Variants in KIAA0825 observed in about 807,000 individuals in gnomAD.
KIAA0825 encodes uncharacterized protein KIAA0825.
A neutral mutation model predicts 147.6 loss-of-function variants in KIAA0825; 119 were observed. That is an observed-to-expected ratio of 0.81 (90% CI 0.69 to 0.94). The LOEUF is 0.94. Ranked by LOEUF, KIAA0825 falls within the 40% of genes least tolerant of loss-of-function variation. KIAA0825 has a pLI of 0.00. For synonymous variants in KIAA0825, 470 were observed against 518.1 expected (o/e 0.91, Z 1.26); for missense variants, 1,381 against 1,472.7 (o/e 0.94, Z 1.02).
chr5:94,417,559 G>C (rs1314357443), intron 14 of KIAA0825, among the ~76,000 whole-genome samples, 194 bp from the exon 15 acceptor site: 1 of 151,952 alleles, frequency 6.6e-6, no homozygotes, highest in Admixed American at 6.6e-5. Flanking sequence ...GATATTCATG[G>C]ATATTTATGG....
At chr5:94,301,826 G>A (rs756190181) in intron 20 of KIAA0825, among the ~76,000 whole-genome samples, 2 of 152,032 alleles carry the variant, frequency 1.3e-5, no homozygotes, top group Non-Finnish European at 2.9e-5. Flanking sequence ...ACATCTAATA[G>A]GTTTTCACAA....
intron 13 of KIAA0825, among the ~76,000 whole-genome samples, chr5:94,446,892 T>G (rs1181659198): frequency 5.3e-5 from 8 of 152,014 alleles, no homozygotes; most frequent in Admixed American, 4.6e-4. Context: ...AAGAGAGAGA[T>G]GATGGTAGTT....
rs772203748 is a variant in KIAA0825 at position 94,532,696 on chromosome 5, ATT to A, written c.131+4298_131+4299del. 9.5e-3 allele frequency among the ~76,000 whole-genome samples: 1,288 copies of A among 135,106 alleles called. 21 individuals are homozygous for A. The highest frequency in any genetic ancestry group is 0.031 in the African/African-American group (1,150 of 36,820). 88.6% of individuals were successfully genotyped at this position (135,106 alleles called of 152,430 possible). On this transcript the variant is annotated intron_variant, in intron 3 of 20. Coordinates refer to ENST00000682413, the MANE Select transcript of KIAA0825 (RefSeq NM_001145678.3). Reference sequence around the variant, plus strand: ...TGAGCAACCAACCAAGCCTGGGCTAATTTTTTTTTTTTTTTTTCAGTAGAGAT... The same window carrying A: ...TGAGCAACCAACCAAGCCTGGGCTAATTTTTTTTTTTTTTTCAGTAGAGAT...
At chr5:94,439,550 T>G (rs945373730) in intron 14 of KIAA0825, among the ~76,000 whole-genome samples, 2 of 141,890 alleles carry the variant, frequency 1.4e-5, no homozygotes, top group East Asian at 1.9e-4. Context: ...TGTTTGTAAG[T>G]TGCACAAGCA....
chr5:94,305,957 T>G (rs991733278), intron 20 of KIAA0825, among the ~76,000 whole-genome samples: 1 of 151,908 alleles, frequency 6.6e-6, no homozygotes, highest in Non-Finnish European at 1.5e-5. Flanking sequence ...ACTTAAAACT[T>G]GTTTAGCTAC....
chr5:94,206,711 A>AAG, intron 20 of KIAA0825, among the ~76,000 whole-genome samples: 1 of 152,142 alleles, frequency 6.6e-6, no homozygotes, highest in Admixed American at 6.5e-5. Context: ...CCTGAAACTC[A>AAG]CACTATGGTT....
chr5:94,353,979 A>G (rs1415364276), intron 20 of KIAA0825, among the ~76,000 whole-genome samples: 1 of 152,206 alleles, frequency 6.6e-6, no homozygotes, highest in African/African-American at 2.4e-5. Context: ...CAGTTAAGTA[A>G]GAATTGCAGA....
intron 20 of KIAA0825, among the ~76,000 whole-genome samples, chr5:94,354,048 T>C (rs1463088966): frequency 2.0e-5 from 3 of 152,176 alleles, no homozygotes; most frequent in African/African-American, 7.2e-5. Flanking sequence ...ATTCTTCCCA[T>C]TCCCTTTCTA....
chr5:94,475,908 C>G (rs1012930805), intron 7 of KIAA0825, among the ~76,000 whole-genome samples: 2 of 152,152 alleles, frequency 1.3e-5, no homozygotes, highest in Admixed American at 6.5e-5. Context: ...TTGCTTACTT[C>G]TACTCTTCTC....
chr5:94,522,203 C>G (rs999459331), intron 4 of KIAA0825, among the ~76,000 whole-genome samples: 10 of 151,668 alleles, frequency 6.6e-5, no homozygotes, highest in Non-Finnish European at 1.5e-5. Flanking sequence ...GGCACAGAAC[C>G]AAGAAATGAT....
intron 20 of KIAA0825, among the ~76,000 whole-genome samples, chr5:94,274,593 T>A (rs2150146934): frequency 6.6e-6 from 1 of 152,228 alleles, no homozygotes; most frequent in East Asian, 1.9e-4. Flanking sequence ...TCAGGTATGG[T>A]TCTTTTGCAT....
intron 5 of KIAA0825, among the ~76,000 whole-genome samples, chr5:94,505,084 G>A (rs1049926797): frequency 3.3e-5 from 5 of 151,762 alleles, no homozygotes; most frequent in African/African-American, 1.2e-4. Context: ...CTCAGGCCAG[G>A]CACGGAGGCT....
intron 9 of KIAA0825, among the ~76,000 whole-genome samples, chr5:94,470,748 C>G (rs531187081): frequency 2.0e-5 from 3 of 152,206 alleles, no homozygotes; most frequent in Admixed American, 1.3e-4. Flanking sequence ...GAATATCACA[C>G]TGCTTTCTTT....
intron 20 of KIAA0825, among the ~76,000 whole-genome samples, chr5:94,296,363 A>T (rs909334703): frequency 6.6e-6 from 1 of 152,018 alleles, no homozygotes; most frequent in African/African-American, 2.4e-5. Context: ...GGGATCCACT[A>T]TAGACCACTT....
intron 5 of KIAA0825, among the ~76,000 whole-genome samples, chr5:94,513,682 TTAGA>T (rs1457242457): frequency 6.6e-6 from 1 of 152,014 alleles, no homozygotes; most frequent in Admixed American, 6.6e-5. Flanking sequence ...AAAAAAAGTT[TTAGA>T]TAAAGATATG....
chr5:94,605,320 G>A (rs570300320), intron 1 of KIAA0825, among the ~76,000 whole-genome samples: 129 of 152,232 alleles, frequency 8.5e-4, no homozygotes, highest in African/African-American at 3.1e-3. Flanking sequence ...ATTCACAGGT[G>A]TATTCTACCA....
At chr5:94,446,108 A>T (rs1757693682) in intron 13 of KIAA0825, among the ~76,000 whole-genome samples, 1 of 152,182 alleles carries the variant, frequency 6.6e-6, no homozygotes, top group Non-Finnish European at 1.5e-5. Context: ...GGGCCTTACC[A>T]CACAGATCAA....
chr5:94,294,397 T>C (rs1298184210), intron 20 of KIAA0825, among the ~76,000 whole-genome samples: 1 of 152,246 alleles, frequency 6.6e-6, no homozygotes. Flanking sequence ...AAGCTTAGTT[T>C]AGCTGGATAT....
chr5:94,387,619 C>T (rs891953761), intron 18 of KIAA0825, among the ~76,000 whole-genome samples: 6 of 151,638 alleles, frequency 4.0e-5, no homozygotes, highest in Non-Finnish European at 8.8e-5. Flanking sequence ...CACTTGAACC[C>T]GGGAGGTGGA....
Sources: gnomAD v4.1 joint callset for allele counts (sites outside exome capture counted in the v4.1 genomes callset) on GRCh38, gnomAD v4.1.1 for gene constraint, MANE v1.5 for transcripts, NCBI Gene and HGNC (gene_info 2026-07-23, HGNC 2026-07-21) for gene names.